Variants in CDC20B observed in about 807,000 individuals in gnomAD.
CDC20B encodes the protein cell division cycle 20B, also known as cell division cycle protein 20 homolog B.
In CDC20B, 58 loss-of-function variants were observed where a neutral mutation model predicts 64.1. The ratio of observed to expected loss-of-function variants is 0.90; its 90% CI spans 0.73 to 1.13. CDC20B has a LOEUF of 1.13. CDC20B is among the 50% of genes most tolerant of loss of function. The pLI, the probability that CDC20B is intolerant of heterozygous loss-of-function variation, is 0.00. For missense variants in CDC20B, 597 were observed against 633.0 expected, an observed-to-expected ratio of 0.94 and a Z score of 0.61; for synonymous variants, 243 against 230.6, an observed-to-expected ratio of 1.05 and a Z score of -0.49.
At chr5:55,169,393 T>C (rs1744516040) in intron 2 of CDC20B, among the ~76,000 whole-genome samples, 1 of 152,260 alleles carries the variant, frequency 6.6e-6, no homozygotes, top group Admixed American at 6.5e-5. Context: ...AACTAACTGA[T>C]GGCACCACCA....
intron 2 of CDC20B, chr5:55,160,193 A>G (rs776583268): frequency 6.2e-7 from 1 of 1,613,116 alleles, no homozygotes; most frequent in Non-Finnish European, 8.5e-7. Flanking sequence ...ATCCTCCAAC[A>G]TGGAGCCTCT....
At chr5:55,121,121 A>G (rs779555565) in intron 9 of CDC20B, among the ~76,000 whole-genome samples, 2 of 152,200 alleles carry the variant, frequency 1.3e-5, no homozygotes, top group Non-Finnish European at 2.9e-5. Context: ...TCACACATTT[A>G]TATTGATAAT....
Position 55,120,550 on chromosome 5 carries a change from C to G in CDC20B, c.1216G>C (p.Ala406Pro). ...GACTGCCAGGGACACCAATCCATGG[C>G]CTTTAAAGTTTCACATAATAGCACA... ...KVITQSTAVK[A>P]MDWCPWQSGV... Residue 406 changes from alanine (A) to proline (P), a missense_variant and splice_region_variant, in exon 10 of 12, where the codon GCC (alanine) becomes CCC (proline). Around this residue, in one of 3 missense-constraint regions of CDC20B, gnomAD observed 353 missense variants for 397.0 expected, o/e 0.89. Coordinates refer to ENST00000381375, the MANE Select transcript of CDC20B (RefSeq NM_001170402.1). The G allele has an allele frequency of 6.2e-7, 1 of 1,613,182 alleles. No individual in the cohort carries two copies.
At chr5:55,125,317 G>A (rs1266063162) in intron 8 of CDC20B, among the ~76,000 whole-genome samples, 1 of 152,184 alleles carries the variant, frequency 6.6e-6, no homozygotes, top group Non-Finnish European at 1.5e-5. Context: ...AAAATAAGCT[G>A]AGAAGATTAC....
intron 4 of CDC20B, among the ~76,000 whole-genome samples, chr5:55,141,070 G>A (rs1021586867): frequency 2.0e-5 from 3 of 152,154 alleles, no homozygotes; most frequent in African/African-American, 7.2e-5. Context: ...TCAGAACTAC[G>A]CCAAAGGTCA....
chr5:55,135,066 A>G (rs1011997279), intron 5 of CDC20B, among the ~76,000 whole-genome samples: 8 of 152,226 alleles, frequency 5.3e-5, no homozygotes, highest in Non-Finnish European at 1.0e-4. Context: ...GTGTCAGTGT[A>G]GGTTCATTGA....
intron 5 of CDC20B, 34 bp from the exon 6 acceptor site, chr5:55,133,562 G>T: frequency 2.3e-6 from 2 of 887,518 alleles, no homozygotes; most frequent in South Asian, 2.5e-5. Flanking sequence ...ACAGCTCTAA[G>T]ATCCTGAAAA....
At chr5:55,137,638 T>C in intron 5 of CDC20B, 1 of 456,706 alleles carries the variant, frequency 2.2e-6, no homozygotes, top group South Asian at 1.5e-5. Flanking sequence ...TAAAGTGATC[T>C]ATGGGAAGGG....
chr5:55,172,864 A>G (rs1350690007), intron 1 of CDC20B, 74 bp downstream of exon 1: 1 of 1,425,640 alleles, frequency 7.0e-7, no homozygotes, highest in African/African-American at 1.4e-5. Context: ...CTTGGTCCTA[A>G]ACAGATATTA....
At chr5:55,150,062 G>T (rs1018274446) in intron 2 of CDC20B, among the ~76,000 whole-genome samples, 2 of 152,130 alleles carry the variant, frequency 1.3e-5, no homozygotes, top group Non-Finnish European at 2.9e-5. Context: ...AACCCAGGAG[G>T]CAGAGGTTGC....
At chr5:55,122,081 C>T (rs1334807428) in intron 9 of CDC20B, among the ~76,000 whole-genome samples, 3 of 152,186 alleles carry the variant, frequency 2.0e-5, no homozygotes, top group African/African-American at 4.8e-5. Flanking sequence ...CACTTCTACT[C>T]CCACTAATTA....
chr5:55,166,162 A>G (rs3747725), intron 2 of CDC20B: 13,676 of 152,236 alleles, frequency 0.09, 751 homozygotes, highest in East Asian at 0.26. Context: ...TCACGTTAGG[A>G]GCATGAGCAG....
At chr5:55,163,406 C>CA (rs905782705) in intron 2 of CDC20B, among the ~76,000 whole-genome samples, 3 of 151,956 alleles carry the variant, frequency 2.0e-5, no homozygotes, top group African/African-American at 7.2e-5. Context: ...TTTGGGAGGC[C>CA]AAAACCCTAT....
At chr5:55,142,674 AT>A (rs757887560) in intron 4 of CDC20B, among the ~76,000 whole-genome samples, 2 of 152,138 alleles carry the variant, frequency 1.3e-5, no homozygotes, top group Non-Finnish European at 2.9e-5. Context: ...GCCATTCCCT[AT>A]CCCCCAAACC....
In CDC20B at chr5:55,113,374, T is replaced by C. The variant is rs1282128115; in HGVS notation, c.*844A>G. The C allele has an allele frequency of 6.6e-6, 1 of 152,276 alleles. No homozygotes were observed. Among genetic ancestry groups the C allele is most frequent in the Admixed American group, 6.5e-5 (1 of 15,272 alleles). The allele number at this position is 152,276 out of a possible 1,614,324, so 9.4% of individuals were successfully genotyped here. ...CAAAAAAAGATCTCCTAACTTCAAG[T>C]CCTGGGCTGAGGACTCCAGAGGTTG... On this transcript the variant is annotated 3_prime_UTR_variant, in exon 12 of 12. Coordinates refer to ENST00000381375, the MANE Select transcript of CDC20B (RefSeq NM_001170402.1).
chr5:55,147,603 A>G (rs1223614850), intron 2 of CDC20B, among the ~76,000 whole-genome samples: 2 of 150,688 alleles, frequency 1.3e-5, no homozygotes, highest in Non-Finnish European at 3.0e-5. Flanking sequence ...TATATGTGAA[A>G]TATATTATTT....
At chr5:55,146,904 A>C (rs1743498401) in intron 2 of CDC20B, 48 bp from the exon 3 acceptor site, 3 of 1,379,626 alleles carry the variant, frequency 2.2e-6, no homozygotes, top group Non-Finnish European at 3.1e-6. Context: ...TCAGTGATGC[A>C]AAAGTAAAAA....
At position 55,120,524 on chromosome 5, in the gene CDC20B, A is replaced by G. The variant is rs532500094; in HGVS notation, c.1242T>C (p.Ser414=). Residue 414 remains serine (S), a synonymous_variant, in exon 10 of 12, where the codon TCT becomes TCC. Coordinates refer to ENST00000381375, the MANE Select transcript of CDC20B (RefSeq NM_001170402.1). Reference sequence around the variant, plus strand: ...TTCCTCCTCCAATGGCAAGGACCCCAGACTGCCAGGGACACCAATCCATGG... The same window carrying G: ...TTCCTCCTCCAATGGCAAGGACCCCGGACTGCCAGGGACACCAATCCATGG... ...VKAMDWCPWQ[S]GVLAIGGGMK... The G allele has an allele frequency of 9.3e-5, 150 of 1,613,724 alleles. No individual in the cohort carries two copies. The South Asian group carries it at 1.5e-3, about 17-fold the overall frequency.
rs750342029 is a variant in CDC20B, at chr5:55,157,447, A to G, written c.127-10591T>C. Reference sequence around the variant, plus strand: ...CTGAATGTTTGGTTAATGGGTCAGTATGAAAATTTATATATCATGCCTTCA... The same window carrying G: ...CTGAATGTTTGGTTAATGGGTCAGTGTGAAAATTTATATATCATGCCTTCA... On this transcript the variant is annotated intron_variant, in intron 2 of 11. Transcript: ENST00000381375. 3.3e-5 allele frequency among the ~76,000 whole-genome samples: 5 copies of G among 152,230 alleles called. No homozygotes were observed. The South Asian group carries it at 8.3e-4, about 25-fold the overall frequency.
Sources: gnomAD v4.1 joint callset for allele counts (sites outside exome capture counted in the v4.1 genomes callset) on GRCh38, gnomAD v4.1.1 for gene constraint, gnomAD v4.1.1 regional missense constraint, MANE v1.5 for transcripts, NCBI Gene and HGNC (gene_info 2026-07-23, HGNC 2026-07-21) for gene names.